PARP8: variants seen among roughly 807,000 people sequenced by gnomAD.
The protein encoded by PARP8 is poly(ADP-ribose) polymerase family member 8, also known as protein mono-ADP-ribosyltransferase PARP8.
PARP8 carries 51 observed loss-of-function variants against 124.1 expected under a neutral mutation model. That is an observed-to-expected ratio of 0.41 (90% CI 0.33 to 0.52). The LOEUF (loss-of-function observed/expected upper bound fraction) is 0.52. Ranked by LOEUF, PARP8 falls within the 20% of genes least tolerant of loss-of-function variation. The pLI is 0.21. For missense variants in PARP8, 860 were observed against 1,018.9 expected, an observed-to-expected ratio of 0.84 and a Z score of 2.12; for synonymous variants, 391 against 361.5, an observed-to-expected ratio of 1.08 and a Z score of -0.93.
chr5:50,735,885 G>A (rs1410021922), intron 2 of PARP8, among the ~76,000 whole-genome samples: 3 of 151,792 alleles, frequency 2.0e-5, no homozygotes. Context: ...GCTGGGGGAG[G>A]GCTTAAGAAA....
chr5:50,763,258 TG>T lies in PARP8; in HGVS notation c.518+18del. 6.4e-7 allele frequency: 1 copy of T among 1,553,838 alleles called. No homozygotes were observed. Among genetic ancestry groups the T allele is most frequent in the Middle Eastern group, 1.7e-4 (1 of 5,946 alleles). On this transcript the variant is annotated intron_variant, in intron 7 of 25. Transcript: ENST00000281631. ...TTTCTCTCAGGTAAATAAGTATCAC[TG>T]GTGAATAAAATTAAAGTTTTATGGT...
chr5:50,748,588 G>GTT (rs1357656884), intron 2 of PARP8, among the ~76,000 whole-genome samples: 1 of 152,092 alleles, frequency 6.6e-6, no homozygotes, highest in Non-Finnish European at 1.5e-5. Flanking sequence ...TCTGAAAGTT[G>GTT]TTTTATTTTT....
At chr5:50,727,996 G>A (rs1403292208) in intron 2 of PARP8, among the ~76,000 whole-genome samples, 2 of 152,122 alleles carry the variant, frequency 1.3e-5, no homozygotes, top group Non-Finnish European at 2.9e-5. Flanking sequence ...GGCACAGAGT[G>A]GGTCTTCAGT....
At chr5:50,737,782 C>G (rs1289173436) in intron 2 of PARP8, among the ~76,000 whole-genome samples, 2 of 152,158 alleles carry the variant, frequency 1.3e-5, no homozygotes, top group African/African-American at 4.8e-5. Context: ...GCCACCTTTA[C>G]TTTGGTAAGA....
At chr5:50,800,339 C>A (rs1187868083) in intron 14 of PARP8, among the ~76,000 whole-genome samples, 1 of 152,058 alleles carries the variant, frequency 6.6e-6, no homozygotes, top group Non-Finnish European at 1.5e-5. Flanking sequence ...TTTTTGGATT[C>A]TTTGTTTCTC....
chr5:50,825,872 T>C (rs1746291033), intron 18 of PARP8, among the ~76,000 whole-genome samples: 2 of 152,160 alleles, frequency 1.3e-5, no homozygotes, highest in Admixed American at 6.6e-5. Context: ...TACTTAACTT[T>C]CACTTCATTA....
intron 2 of PARP8, among the ~76,000 whole-genome samples, chr5:50,677,713 A>G (rs964060876): frequency 1.3e-5 from 2 of 152,250 alleles, no homozygotes; most frequent in South Asian, 2.1e-4. Context: ...TCAATATTTG[A>G]TGTCTTACAT....
At chr5:50,781,445 G>T (rs1210396266) in intron 9 of PARP8, among the ~76,000 whole-genome samples, 2 of 152,192 alleles carry the variant, frequency 1.3e-5, no homozygotes, top group Admixed American at 1.3e-4. Context: ...AGTGTGATGT[G>T]TGAACAGTTC....
intron 22 of PARP8, among the ~76,000 whole-genome samples, 181 bp from the exon 23 acceptor site, chr5:50,832,600 G>A (rs1212112628): frequency 6.6e-6 from 1 of 152,114 alleles, no homozygotes; most frequent in Admixed American, 6.5e-5. Flanking sequence ...AACTTTCCCA[G>A]GACTTCCCAA....
intron 7 of PARP8, among the ~76,000 whole-genome samples, chr5:50,769,311 A>T (rs1341907709): frequency 6.6e-6 from 1 of 151,792 alleles, no homozygotes; most frequent in Non-Finnish European, 1.5e-5. Context: ...CTGTAAACGT[A>T]CCAGCGTTTT....
intron 3 of PARP8, among the ~76,000 whole-genome samples, chr5:50,751,318 A>G (rs1409647639): frequency 3.9e-5 from 6 of 152,118 alleles, no homozygotes; most frequent in Admixed American, 2.6e-4. Flanking sequence ...AAACATTGAA[A>G]TTCTAAAAAA....
rs768614958 is a variant in PARP8 at position 50,842,073 on chromosome 5, C to T, written c.*5C>T. 4 of 1,569,806 alleles carry T rather than the reference C, an allele frequency of 2.5e-6. No individual in the cohort carries two copies. Among genetic ancestry groups the T allele is most frequent in the African/African-American group, 2.7e-5 (2 of 72,964 alleles). ...AATCAAACTGCTACTGGTTAAAGGA[C>T]CACCATTTAATTAACATGATTCGAA... On this transcript the variant is annotated 3_prime_UTR_variant, in exon 26 of 26. Coordinates refer to ENST00000281631, the MANE Select transcript of PARP8 (RefSeq NM_024615.4).
chr5:50,687,970 A>G (rs1161758929), intron 2 of PARP8, among the ~76,000 whole-genome samples: 1 of 151,960 alleles, frequency 6.6e-6, no homozygotes, highest in African/African-American at 2.4e-5. Context: ...GGACACCTCA[A>G]TCTCTCAAGT....
At chr5:50,699,059 C>A (rs1020808717) in intron 2 of PARP8, among the ~76,000 whole-genome samples, 1 of 152,164 alleles carries the variant, frequency 6.6e-6, no homozygotes, top group Non-Finnish European at 1.5e-5. Flanking sequence ...ACAGTGGTGT[C>A]ATTGGGTTTT....
chr5:50,669,930 G>T (rs1749810051), intron 2 of PARP8, among the ~76,000 whole-genome samples: 1 of 152,188 alleles, frequency 6.6e-6, no homozygotes, highest in Non-Finnish European at 1.5e-5. Context: ...CCTGTTAAAA[G>T]AGAAAGACAA....
Position 50,760,332 on chromosome 5 carries a change from A to T in PARP8, c.315A>T (p.Ile105=). 1 of 1,537,780 alleles carries T rather than the reference A, an allele frequency of 6.5e-7. No individual in the cohort carries two copies. The highest frequency in any genetic ancestry group is 8.9e-7 in the Non-Finnish European group (1 of 1,126,364). The change falls in exon 5 of 26, where the codon ATA becomes ATT. Residue 105 remains isoleucine (I), a synonymous_variant. Coordinates refer to ENST00000281631, the MANE Select transcript of PARP8 (RefSeq NM_024615.4). ...ATGACATTAACTGTTGCTTATCCAT[A>T]AAATCCAAATTACAAAAGGAAAATG... is the stretch of plus-strand genomic sequence containing the variant. The part of the protein sequence containing the change: ...KTNDINCCLS[I]KSKLQKENGE...
At chr5:50,772,078 G>T (rs1761682520) in intron 7 of PARP8, among the ~76,000 whole-genome samples, 1 of 152,050 alleles carries the variant, frequency 6.6e-6, no homozygotes, top group Non-Finnish European at 1.5e-5. Flanking sequence ...TTTAGATTCT[G>T]CAAATGACTT....
rs953794256 is a variant in PARP8, at chr5:50,708,937, A to G, written c.146+40812A>G. On this transcript the variant is annotated intron_variant, in intron 2 of 25. Transcript: ENST00000281631. The stretch of plus-strand genomic sequence containing the variant: ...GCCAGGACTACAGGCACTTGCCACC[A>G]TGCCTGGCTGATTTTTTATTTGTTA... Among the ~76,000 whole-genome samples the G allele has an allele frequency of 1.3e-4, 20 of 150,140 alleles. 1 individual carries two copies. In the South Asian group the frequency reaches 3.0e-3, roughly 22 times the overall value.
At chr5:50,750,469 C>A (rs1759116708) in intron 3 of PARP8, among the ~76,000 whole-genome samples, 1 of 151,974 alleles carries the variant, frequency 6.6e-6, no homozygotes, top group South Asian at 2.1e-4. Context: ...ATAAAGAGAT[C>A]AATGGTCTAA....
Sources: gnomAD v4.1 joint callset for allele counts (sites outside exome capture counted in the v4.1 genomes callset) on GRCh38, gnomAD v4.1.1 for gene constraint, MANE v1.5 for transcripts, NCBI Gene and HGNC (gene_info 2026-07-23, HGNC 2026-07-21) for gene names.